The following GALNTL6 variants were observed in gnomAD, a reference collection of about 807,000 sequenced individuals.
GALNTL6 encodes the protein polypeptide N-acetylgalactosaminyltransferase like 6, also known as polypeptide N-acetylgalactosaminyltransferase-like 6.
Under a neutral mutation model 73.7 loss-of-function variants are expected in GALNTL6, and 46 were observed. The observed-to-expected ratio is 0.62, with a 90% CI of 0.49 to 0.80. The LOEUF (loss-of-function observed/expected upper bound fraction) is 0.80, where lower values mean the gene tolerates loss of function less well. Among genes scored for constraint, GALNTL6 ranks in the 30% least tolerant of loss-of-function variants. GALNTL6 has a pLI of 0.00. For synonymous variants in GALNTL6, 259 were observed against 263.7 expected, an observed-to-expected ratio of 0.98 and a Z score of 0.17; for missense variants, 604 against 755.0, an observed-to-expected ratio of 0.80 and a Z score of 2.34.
chr4:171,920,978 TA>T, intron 2 of GALNTL6, among the ~76,000 whole-genome samples: 1 of 152,284 alleles, frequency 6.6e-6, no homozygotes, highest in East Asian at 1.9e-4. Flanking sequence ...TCTCATACAA[TA>T]ATTTAAGGTA....
At chr4:172,575,321 A>G (rs1472439729) in intron 5 of GALNTL6, among the ~76,000 whole-genome samples, 1 of 152,180 alleles carries the variant, frequency 6.6e-6, no homozygotes, top group Admixed American at 6.5e-5. Flanking sequence ...GTTCCATCAT[A>G]TGTTAAGAAT....
intron 2 of GALNTL6, among the ~76,000 whole-genome samples, chr4:172,206,778 TTTTG>T (rs1395162022): frequency 4.9e-5 from 4 of 82,386 alleles, no homozygotes; most frequent in Non-Finnish European, 8.5e-5. Flanking sequence ...GAAACGTGTT[TTTTG>T]TTTTGTTTTG....
At chr4:172,439,842 G>C (rs908049939) in intron 5 of GALNTL6, among the ~76,000 whole-genome samples, 2 of 151,538 alleles carry the variant, frequency 1.3e-5, no homozygotes, top group African/African-American at 4.8e-5. Context: ...TATACCCTTT[G>C]CCCAGTTGGT....
chr4:172,716,932 A>C (rs557199578), intron 5 of GALNTL6, among the ~76,000 whole-genome samples: 4 of 152,190 alleles, frequency 2.6e-5, no homozygotes, highest in Non-Finnish European at 5.9e-5. Context: ...ATGTATTTTC[A>C]TATATTAAAA....
intron 5 of GALNTL6, among the ~76,000 whole-genome samples, chr4:172,690,237 TA>T (rs925773727): frequency 7.2e-5 from 11 of 152,282 alleles, no homozygotes; most frequent in African/African-American, 1.4e-4. Context: ...TGAAACTTTT[TA>T]AAAAGTAACT....
At chr4:172,533,477 A>T (rs1735240324) in intron 5 of GALNTL6, among the ~76,000 whole-genome samples, 1 of 151,540 alleles carries the variant, frequency 6.6e-6, no homozygotes. Context: ...GGTGAACGCC[A>T]CCACGCCTGG....
chr4:172,136,870 A>G (rs1733650982), intron 2 of GALNTL6, among the ~76,000 whole-genome samples: 1 of 152,034 alleles, frequency 6.6e-6, no homozygotes, highest in Non-Finnish European at 1.5e-5. Context: ...TACGATTTTT[A>G]TTATGTAAAA....
At chr4:172,009,497 G>C (rs1265391787) in intron 2 of GALNTL6, among the ~76,000 whole-genome samples, 3 of 152,066 alleles carry the variant, frequency 2.0e-5, no homozygotes, top group African/African-American at 7.2e-5. Flanking sequence ...ACTGCTTACT[G>C]TATCTGTAAA....
chr4:172,965,135 G>C (rs1055537601), intron 10 of GALNTL6, among the ~76,000 whole-genome samples: 1 of 152,134 alleles, frequency 6.6e-6, no homozygotes, highest in South Asian at 2.1e-4. Context: ...GGCAGTGCTG[G>C]TACACTATGC....
chr4:172,248,807 C>T (rs1168867801), intron 3 of GALNTL6, among the ~76,000 whole-genome samples: 1 of 152,110 alleles, frequency 6.6e-6, no homozygotes, highest in Non-Finnish European at 1.5e-5. Context: ...CTTCTCTTTC[C>T]TGCCACTATG....
Position 172,452,369 on chromosome 4 carries a change from G to A in GALNTL6, c.553+103680G>A, listed in dbSNP as rs188194294. 2.9e-3 allele frequency among the ~76,000 whole-genome samples: 415 copies of A among 141,118 alleles called. 1 individual carries two copies. The highest frequency in any genetic ancestry group is 0.011 in the African/African-American group (393 of 35,104). 92.6% of individuals were successfully genotyped at this position (141,118 alleles called of 152,430 possible). ...TGCAAAACAAAACTAAAACAGCAGC[G>A]AAAGAAAAAAAAAATTAGACTGGGC... On this transcript the variant is annotated intron_variant, in intron 5 of 12. Coordinates refer to ENST00000506823, the MANE Select transcript of GALNTL6 (RefSeq NM_001034845.3).
chr4:172,684,294 T>G (rs1299136912), intron 5 of GALNTL6, among the ~76,000 whole-genome samples: 1 of 152,224 alleles, frequency 6.6e-6, no homozygotes, highest in Non-Finnish European at 1.5e-5. Context: ...ATCCATTCAT[T>G]CATTCATGCA....
rs926792036 is a variant in GALNTL6 at position 172,030,178 on chromosome 4, C to A, written c.139-199478C>A. Among the ~76,000 whole-genome samples the A allele has an allele frequency of 1.6e-4, 24 of 152,120 alleles. No homozygotes were observed. In the East Asian group the frequency reaches 2.5e-3, roughly 16 times the overall value. ...CCATTCCACCACATTGCCATAAAAA[C>A]CAAATTATTTGAGCCATGTTACATA... On this transcript the variant is annotated intron_variant, in intron 2 of 12. Coordinates refer to ENST00000506823, the MANE Select transcript of GALNTL6 (RefSeq NM_001034845.3).
intron 2 of GALNTL6, among the ~76,000 whole-genome samples, chr4:171,994,730 A>G (rs979803863): frequency 2.6e-5 from 4 of 151,982 alleles, no homozygotes; most frequent in African/African-American, 9.7e-5. Flanking sequence ...AAAATATGAA[A>G]AAAAAAGAAC....
chr4:172,375,386 G>C (rs948849946), intron 5 of GALNTL6, among the ~76,000 whole-genome samples: 2 of 152,160 alleles, frequency 1.3e-5, no homozygotes, highest in African/African-American at 2.4e-5. Context: ...CTCTTTCTCA[G>C]GGTTTGTGGG....
intron 12 of GALNTL6, among the ~76,000 whole-genome samples, chr4:173,039,552 A>G (rs914262038): frequency 6.6e-6 from 1 of 152,190 alleles, no homozygotes; most frequent in Non-Finnish European, 1.5e-5. Flanking sequence ...GTTTCTTCCC[A>G]GATAGCTACA....
intron 5 of GALNTL6, among the ~76,000 whole-genome samples, chr4:172,378,717 C>G (rs891128852): frequency 6.6e-6 from 1 of 151,776 alleles, no homozygotes; most frequent in Non-Finnish European, 1.5e-5. Context: ...TAATAATATA[C>G]AATGTGAAGA....
intron 2 of GALNTL6, among the ~76,000 whole-genome samples, chr4:171,925,137 G>C (rs557087271): frequency 6.6e-6 from 1 of 152,258 alleles, no homozygotes. Flanking sequence ...AGGAGCATAT[G>C]CATAGAGCTC....
Position 172,302,458 on chromosome 4 carries a change from G to A in GALNTL6, c.248-9156G>A, listed in dbSNP as rs530058788. On this transcript the variant is annotated intron_variant, in intron 3 of 12. Coordinates refer to ENST00000506823, the MANE Select transcript of GALNTL6 (RefSeq NM_001034845.3). ...GCAGAAATCATTCGTCTTCTGCTTCGCTCATGCTGGGAGCTGTAGACTGGA... is the reference window on the plus strand; with the variant it reads ...GCAGAAATCATTCGTCTTCTGCTTCACTCATGCTGGGAGCTGTAGACTGGA... Among the ~76,000 whole-genome samples the A allele has an allele frequency of 2.9e-4, 44 of 152,212 alleles. No individual in the cohort carries two copies. In the South Asian group the frequency reaches 6.4e-3, roughly 22 times the overall value.
Sources: allele counts gnomAD v4.1 joint callset (sites outside exome capture counted in the v4.1 genomes callset), GRCh38; gene constraint gnomAD v4.1.1; transcripts MANE v1.5; gene names NCBI Gene and HGNC (gene_info 2026-07-23, HGNC 2026-07-21).